NUBPL: variants seen among roughly 807,000 people sequenced by gnomAD.
The protein encoded by NUBPL is iron-sulfur cluster transfer protein NUBPL.
Under a neutral mutation model 45.7 loss-of-function variants are expected in NUBPL, and 31 were observed. That is an observed-to-expected ratio of 0.68 (90% CI 0.51 to 0.92). The LOEUF (loss-of-function observed/expected upper bound fraction) is 0.92, where lower values mean the gene tolerates loss of function less well. Among genes scored for constraint, NUBPL ranks in the 40% least tolerant of loss-of-function variants. The probability of loss-of-function intolerance (pLI) is 0.00; values close to 1 mark genes in which losing one functional copy is unlikely to be tolerated. For synonymous variants in NUBPL, 144 were observed against 140.9 expected (o/e 1.02, Z -0.15); for missense variants, 401 against 398.7 (o/e 1.01, Z -0.05).
chr14:31,801,257 A>G (rs1319474311), intron 7 of NUBPL: 1 of 152,260 alleles, frequency 6.6e-6, no homozygotes, highest in African/African-American at 2.4e-5. Flanking sequence ...ATCCCCATTG[A>G]GAGCCAGAAG....
chr14:31,670,350 TC>T (rs2036542697), intron 4 of NUBPL, among the ~76,000 whole-genome samples: 1 of 152,180 alleles, frequency 6.6e-6, no homozygotes, highest in African/African-American at 2.4e-5. Context: ...AAATTTAACT[TC>T]CTTATAGAGG....
At position 31,753,447 on chromosome 14, in the gene NUBPL, T is replaced by C. The variant is rs1047275579; in HGVS notation, c.514-34333T>C. Reference sequence around the variant, plus strand: ...TTTCTGTGCTAGACCACCGGGAGTATAGTACACAGTGTGGTACCTGGTGCC... The same window carrying C: ...TTTCTGTGCTAGACCACCGGGAGTACAGTACACAGTGTGGTACCTGGTGCC... On this transcript the variant is annotated intron_variant, in intron 6 of 10. Transcript: ENST00000281081. 1.1e-4 allele frequency among the ~76,000 whole-genome samples: 16 copies of C among 152,106 alleles called. No individual in the cohort carries two copies. In the East Asian group the frequency reaches 2.1e-3, roughly 20 times the overall value.
At chr14:31,788,932 T>A (rs1160531256) in intron 7 of NUBPL, among the ~76,000 whole-genome samples, 2 of 152,226 alleles carry the variant, frequency 1.3e-5, no homozygotes, top group Non-Finnish European at 2.9e-5. Flanking sequence ...ATTTAAGTAT[T>A]TTTTAGGCAG....
At chr14:31,706,585 C>T (rs897952466) in intron 6 of NUBPL, among the ~76,000 whole-genome samples, 1 of 152,184 alleles carries the variant, frequency 6.6e-6, no homozygotes, top group Non-Finnish European at 1.5e-5. Flanking sequence ...GCATCTTCTA[C>T]TATCCCTTAC....
intron 3 of NUBPL, among the ~76,000 whole-genome samples, chr14:31,575,124 C>G (rs2033687061): frequency 1.3e-5 from 2 of 151,724 alleles, no homozygotes. Context: ...TGCTTTTTTT[C>G]CCCGCAAATT....
chr14:31,821,223 A>G (rs572371153), intron 7 of NUBPL, among the ~76,000 whole-genome samples: 7 of 152,198 alleles, frequency 4.6e-5, no homozygotes, highest in Non-Finnish European at 1.0e-4. Context: ...GCTTCTGCAC[A>G]TTAAAGGAAC....
chr14:31,683,183 A>G (rs1487026725), intron 6 of NUBPL, among the ~76,000 whole-genome samples: 1 of 151,924 alleles, frequency 6.6e-6, no homozygotes, highest in Non-Finnish European at 1.5e-5. Context: ...TTTCAACATG[A>G]GGTTTAGAGA....
intron 7 of NUBPL, among the ~76,000 whole-genome samples, chr14:31,811,656 C>T (rs548286208): frequency 4.3e-4 from 65 of 152,220 alleles, no homozygotes; most frequent in Non-Finnish European, 8.1e-4. Context: ...TGCTTTGTTC[C>T]GTTGCTGGTG....
chr14:31,619,652 C>G (rs943178901), intron 4 of NUBPL, among the ~76,000 whole-genome samples: 1 of 152,256 alleles, frequency 6.6e-6, no homozygotes, highest in Middle Eastern at 3.4e-3. Flanking sequence ...CTGAGAGATC[C>G]GCTGTTAGTC....
intron 8 of NUBPL, among the ~76,000 whole-genome samples, chr14:31,828,624 T>A (rs2040141678): frequency 1.3e-5 from 2 of 152,218 alleles, no homozygotes; most frequent in African/African-American, 4.8e-5. Flanking sequence ...TATCATTTTA[T>A]ATATCAAAAT....
chr14:31,615,481 T>A (rs2034874932), intron 4 of NUBPL, among the ~76,000 whole-genome samples: 1 of 152,084 alleles, frequency 6.6e-6, no homozygotes, highest in Non-Finnish European at 1.5e-5. Context: ...TAGTGTGTGA[T>A]GTTCCCCTCC....
intron 8 of NUBPL, among the ~76,000 whole-genome samples, chr14:31,843,241 T>C (rs2040403909): frequency 6.6e-6 from 1 of 152,236 alleles, no homozygotes; most frequent in Non-Finnish European, 1.5e-5. Context: ...CACTTCTGCA[T>C]ACGTTTCATT....
chr14:31,680,336 T>A (rs958116262), intron 6 of NUBPL, among the ~76,000 whole-genome samples: 9 of 152,160 alleles, frequency 5.9e-5, no homozygotes, highest in African/African-American at 1.9e-4. Context: ...ATTAAGTATT[T>A]TGTTGCTATG....
intron 6 of NUBPL, among the ~76,000 whole-genome samples, chr14:31,777,926 T>C (rs1239383375): frequency 1.3e-5 from 2 of 152,164 alleles, no homozygotes; most frequent in African/African-American, 4.8e-5. Flanking sequence ...GGCAGCTCTA[T>C]TAACAGTGCA....
intron 4 of NUBPL, among the ~76,000 whole-genome samples, chr14:31,606,544 G>A (rs11627332): frequency 0.3 from 46,103 of 152,096 alleles, 7,686 homozygotes; most frequent in South Asian, 0.41. Context: ...CCTATCCAAA[G>A]CATGGAGTTC....
chr14:31,670,698 A>G (rs1001362346), intron 4 of NUBPL, among the ~76,000 whole-genome samples: 2 of 152,202 alleles, frequency 1.3e-5, no homozygotes, highest in African/African-American at 4.8e-5. Context: ...ATGACTAGCC[A>G]GTTATCCCAG....
chr14:31,777,720 CATT>C (rs1193200735), intron 6 of NUBPL, among the ~76,000 whole-genome samples: 1 of 152,198 alleles, frequency 6.6e-6, no homozygotes, highest in Non-Finnish European at 1.5e-5. Flanking sequence ...ATTTGGCTAA[CATT>C]ATAACCTCAG....
chr14:31,759,911 G>A (rs1297287608), intron 6 of NUBPL, among the ~76,000 whole-genome samples: 1 of 151,022 alleles, frequency 6.6e-6, no homozygotes, highest in African/African-American at 2.4e-5. Flanking sequence ...TTAAGGAAGG[G>A]AAGGCTAAGC....
intron 3 of NUBPL, among the ~76,000 whole-genome samples, chr14:31,571,880 G>A (rs962122482): frequency 6.6e-6 from 1 of 152,134 alleles, no homozygotes; most frequent in African/African-American, 2.4e-5. Context: ...TATGTGTCAA[G>A]CACTGTTATA....
Sources: allele counts gnomAD v4.1 joint callset (sites outside exome capture counted in the v4.1 genomes callset), GRCh38; gene constraint gnomAD v4.1.1; transcripts MANE v1.5; gene names NCBI Gene and HGNC (gene_info 2026-07-23, HGNC 2026-07-21).